Variants in MAP3K7CL observed in about 807,000 individuals in gnomAD.
The protein encoded by MAP3K7CL is MAP3K7 C-terminal like.
In MAP3K7CL, 16 loss-of-function variants were observed where a neutral mutation model predicts 18.6. The ratio of observed to expected loss-of-function variants is 0.86; its 90% CI spans 0.58 to 1.31. MAP3K7CL has a LOEUF of 1.31. MAP3K7CL is among the 50% of genes most tolerant of loss of function. MAP3K7CL has a pLI of 0.00. For missense variants in MAP3K7CL, 163 were observed against 174.4 expected (o/e 0.93, Z 0.37); for synonymous variants, 65 against 66.8 (o/e 0.97, Z 0.13).
chr21:29,163,861 A>C (rs1307919365), intron 4 of MAP3K7CL, among the ~76,000 whole-genome samples: 1 of 151,844 alleles, frequency 6.6e-6, no homozygotes, highest in Non-Finnish European at 1.5e-5. Flanking sequence ...ATGCCCAGTT[A>C]ATTAAAAAAA....
intron 4 of MAP3K7CL, among the ~76,000 whole-genome samples, chr21:29,173,765 A>T (rs935859054): frequency 2.6e-5 from 4 of 152,168 alleles, no homozygotes; most frequent in African/African-American, 9.7e-5. Context: ...GCAGTGGCAC[A>T]ATCATAGCTC....
At chr21:29,141,691 A>T (rs1204914001) in intron 2 of MAP3K7CL, among the ~76,000 whole-genome samples, 1 of 152,086 alleles carries the variant, frequency 6.6e-6, no homozygotes, top group Non-Finnish European at 1.5e-5. Flanking sequence ...GTCATCCCAA[A>T]TCTCTATCTT....
At chr21:29,097,823 G>A (rs562560167) in intron 4 of MAP3K7CL, among the ~76,000 whole-genome samples, 8 of 152,114 alleles carry the variant, frequency 5.3e-5, no homozygotes, top group Middle Eastern at 3.4e-3. Flanking sequence ...TCTACCCCCC[G>A]CACCCAGATT....
intron 2 of MAP3K7CL, among the ~76,000 whole-genome samples, chr21:29,146,601 A>G (rs745429143): frequency 2.0e-5 from 3 of 152,196 alleles, no homozygotes; most frequent in African/African-American, 4.8e-5. Context: ...ACTGTCCTCT[A>G]ACCTGCAGCA....
chr21:29,097,693 G>A (rs1407575163), intron 4 of MAP3K7CL, among the ~76,000 whole-genome samples: 1 of 151,992 alleles, frequency 6.6e-6, no homozygotes, highest in Non-Finnish European at 1.5e-5. Flanking sequence ...ATTAAGCCAA[G>A]GAGCAACATA....
chr21:29,128,738 C>T (rs1362474263), upstream of MAP3K7CL, among the ~76,000 whole-genome samples: 5 of 152,120 alleles, frequency 3.3e-5, no homozygotes, highest in Non-Finnish European at 4.4e-5. Flanking sequence ...GAATTGTCTG[C>T]GTCTCAATTT....
chr21:29,147,346 CTG>C (rs553159201), intron 2 of MAP3K7CL, among the ~76,000 whole-genome samples: 166 of 151,838 alleles, frequency 1.1e-3, no homozygotes, highest in South Asian at 2.7e-3. Flanking sequence ...TGTATCTGCA[CTG>C]TGTATGTGTA....
chr21:29,172,443 A>G (rs1248904789), intron 4 of MAP3K7CL, among the ~76,000 whole-genome samples: 1 of 152,178 alleles, frequency 6.6e-6, no homozygotes, highest in Non-Finnish European at 1.5e-5. Flanking sequence ...TCTCATGACT[A>G]GCAGTGTCAA....
chr21:29,156,140 C>A (rs2087399124), intron 3 of MAP3K7CL, among the ~76,000 whole-genome samples: 1 of 152,136 alleles, frequency 6.6e-6, no homozygotes, highest in Non-Finnish European at 1.5e-5. Context: ...GAGAAAATAA[C>A]AAGGGAATTT....
At chr21:29,154,468 GTGACAGGTGTC>G (rs2087352645) in intron 3 of MAP3K7CL, among the ~76,000 whole-genome samples, 1 of 151,672 alleles carries the variant, frequency 6.6e-6, no homozygotes, top group Non-Finnish European at 1.5e-5. Flanking sequence ...TGAGATGACA[GTGACAGGTGTC>G]TCTGTGGTAC....
rs577313778 is a variant in MAP3K7CL, at chr21:29,156,617, T to C, written c.133-3324T>C. ...TAAGGTAAGAGAGGATTACCCTCAGTCAGGACCTGATGATACAACATACAT... is the reference window on the plus strand; with the variant it reads ...TAAGGTAAGAGAGGATTACCCTCAGCCAGGACCTGATGATACAACATACAT... On this transcript the variant is annotated intron_variant, in intron 3 of 4. Coordinates refer to ENST00000399928, the MANE Select transcript of MAP3K7CL (RefSeq NM_001286620.2). Among the ~76,000 whole-genome samples, 4 of 152,310 alleles carry C rather than the reference T, an allele frequency of 2.6e-5. No homozygotes were observed. In the East Asian group the frequency reaches 7.7e-4, roughly 29 times the overall value.
intron 3 of MAP3K7CL, 70 bp downstream of exon 3, chr21:29,149,320 G>A (rs2087217448): frequency 7.3e-7 from 1 of 1,379,132 alleles, no homozygotes; most frequent in Non-Finnish European, 1.0e-6. Flanking sequence ...TGGGCAGAGA[G>A]TGGCCTGACT....
intron 1 of MAP3K7CL, 79 bp from the exon 2 acceptor site, chr21:29,133,227 C>T (rs2086812646): frequency 9.9e-7 from 1 of 1,014,790 alleles, no homozygotes; most frequent in Non-Finnish European, 1.4e-6. Context: ...ATAACTTCAC[C>T]TGTAATTTCC....
At chr21:29,109,412 G>T in intron 4 of MAP3K7CL, 1 of 1,318,546 alleles carries the variant, frequency 7.6e-7, no homozygotes, top group South Asian at 2.0e-5. Context: ...TGCTCAGCCA[G>T]GAGGTGTTAA....
upstream of MAP3K7CL, among the ~76,000 whole-genome samples, chr21:29,127,175 G>C (rs1461005485): frequency 6.6e-6 from 1 of 152,226 alleles, no homozygotes; most frequent in Non-Finnish European, 1.5e-5. Context: ...TATGGTAGGA[G>C]TGTATTATTG....
chr21:29,136,643 C>T (rs1446940255), intron 2 of MAP3K7CL, among the ~76,000 whole-genome samples: 1 of 152,032 alleles, frequency 6.6e-6, no homozygotes, highest in Non-Finnish European at 1.5e-5. Context: ...GCCTGAGCCT[C>T]CTGAGTAGCT....
intron 4 of MAP3K7CL, among the ~76,000 whole-genome samples, chr21:29,100,455 T>C (rs1243389941): frequency 6.6e-6 from 1 of 152,216 alleles, no homozygotes; most frequent in Non-Finnish European, 1.5e-5. Flanking sequence ...TACAGCTAGT[T>C]AGAGTGTGGA....
At chr21:29,110,547 C>T (rs1233295710) in intron 4 of MAP3K7CL, among the ~76,000 whole-genome samples, 3 of 152,050 alleles carry the variant, frequency 2.0e-5, no homozygotes, top group African/African-American at 7.2e-5. Flanking sequence ...CAGGTGTGTG[C>T]CCCCAGGCCC....
intron 1 of MAP3K7CL, among the ~76,000 whole-genome samples, chr21:29,088,914 G>A (rs1244878976): frequency 6.6e-6 from 1 of 152,176 alleles, no homozygotes; most frequent in Non-Finnish European, 1.5e-5. Flanking sequence ...GTTCATGCCT[G>A]TAATCCCAGC....
Sources: gnomAD v4.1 joint callset for allele counts (sites outside exome capture counted in the v4.1 genomes callset) on GRCh38, gnomAD v4.1.1 for gene constraint, MANE v1.5 for transcripts, NCBI Gene and HGNC (gene_info 2026-07-23, HGNC 2026-07-21) for gene names.